The following NAP1L1 variants were observed in gnomAD, a reference collection of about 807,000 sequenced individuals.
The protein encoded by NAP1L1 is nucleosome assembly protein 1-like 1.
In NAP1L1, 9 loss-of-function variants were observed where a neutral mutation model predicts 58.9. That is an observed-to-expected ratio of 0.15 (90% CI 0.09 to 0.27). The LOEUF (loss-of-function observed/expected upper bound fraction) is 0.27. NAP1L1 is among the 10% of genes least tolerant of loss of function. The pLI, the probability that NAP1L1 is intolerant of heterozygous loss-of-function variation, is 1.00. For synonymous variants in NAP1L1, 130 were observed against 138.3 expected, an observed-to-expected ratio of 0.94 and a Z score of 0.42; for missense variants, 302 against 458.8, an observed-to-expected ratio of 0.66 and a Z score of 3.12.
At position 76,044,192 on chromosome 12, in the gene NAP1L1, C is replaced by T. The variant is rs1355830536; in HGVS notation, c.*4237G>A. 1.3e-5 allele frequency: 2 copies of T among 152,402 alleles called. No individual in the cohort carries two copies. Among genetic ancestry groups the T allele is most frequent in the East Asian group, 3.9e-4 (2 of 5,180 alleles). The allele number at this position is 152,402 out of a possible 1,614,324, so 9.4% of individuals were successfully genotyped here. On this transcript the variant is annotated 3_prime_UTR_variant, in exon 15 of 15. Coordinates refer to ENST00000618691, the MANE Select transcript of NAP1L1 (RefSeq NM_004537.7). ...TGGCACACGCCTGTAATCCCGACTA[C>T]TTGGAATGCTGAGGCACGAGAATCG...
intron 4 of NAP1L1, among the ~76,000 whole-genome samples, chr12:76,064,793 TAAA>T (rs531225855): frequency 6.9e-6 from 1 of 145,318 alleles, no homozygotes; most frequent in Non-Finnish European, 1.5e-5. Context: ...TTAGTATGTT[TAAA>T]AAAAAAAAAA....
At chr12:76,060,392 A>C in intron 4 of NAP1L1, 113 bp from the exon 5 acceptor site, 1 of 988,618 alleles carries the variant, frequency 1.0e-6, no homozygotes, top group African/African-American at 1.6e-5. Flanking sequence ...TTTTATCTGA[A>C]GCAAAAGGTA....
At chr12:76,068,463 C>G (rs1565737753) in intron 3 of NAP1L1, 1 of 152,540 alleles carries the variant, frequency 6.6e-6, no homozygotes, top group Non-Finnish European at 1.5e-5. Flanking sequence ...TTAAAAATAT[C>G]TGCTAAAATA....
rs952752790 is a variant in NAP1L1, at chr12:76,039,329, T to C, written c.*9100A>G. The stretch of plus-strand genomic sequence containing the variant: ...GTACCTTGAACCTGGACATGATGTA[T>C]AGAGCCCCAGCAACCACTTGATAAT... On this transcript the variant is annotated 3_prime_UTR_variant, in exon 15 of 15. Coordinates refer to ENST00000618691, the MANE Select transcript of NAP1L1 (RefSeq NM_004537.7). 6.6e-6 allele frequency: 1 copy of C among 152,152 alleles called. No individual in the cohort carries two copies. Among genetic ancestry groups the C allele is most frequent in the Non-Finnish European group, 1.5e-5 (1 of 68,046 alleles). The allele number at this position is 152,152 out of a possible 1,614,324, so 9.4% of individuals were successfully genotyped here.
At position 76,063,891 on chromosome 12, in the gene NAP1L1, A is replaced by T. The variant is rs1451763246; in HGVS notation, c.206+3480T>A. Among the ~76,000 whole-genome samples the T allele has an allele frequency of 1.1e-3, 66 of 62,312 alleles. 1 individual carries two copies. Among genetic ancestry groups the T allele is most frequent in the African/African-American group, 2.5e-3 (65 of 25,546 alleles). 40.9% of individuals were successfully genotyped at this position (62,312 alleles called of 152,430 possible). ...ACTAGGTTAAAAGTTTAAAAAAAAA[A>T]AAAAAAAAAAAGAGGCTGGGGGTGA... On this transcript the variant is annotated intron_variant, in intron 4 of 14. Transcript: ENST00000618691.
At chr12:76,081,727 C>T (rs1222136105) in intron 1 of NAP1L1, among the ~76,000 whole-genome samples, 1 of 152,170 alleles carries the variant, frequency 6.6e-6, no homozygotes, top group Non-Finnish European at 1.5e-5. Flanking sequence ...CTAATGTACT[C>T]TAATGTTCTG....
intron 1 of NAP1L1, among the ~76,000 whole-genome samples, chr12:76,076,508 C>T (rs1285842742): frequency 7.0e-6 from 1 of 142,128 alleles, no homozygotes; most frequent in African/African-American, 2.6e-5. Flanking sequence ...AACACTAAAG[C>T]AAGGTATAGG....
chr12:76,049,713 G>A, intron 13 of NAP1L1, 43 bp downstream of exon 13: 1 of 1,607,310 alleles, frequency 6.2e-7, no homozygotes, highest in East Asian at 2.2e-5. Flanking sequence ...GCTTCTCAAT[G>A]TGTTAACCAC....
intron 2 of NAP1L1, among the ~76,000 whole-genome samples, chr12:76,071,234 G>C (rs1198224050): frequency 6.6e-6 from 1 of 152,120 alleles, no homozygotes; most frequent in East Asian, 1.9e-4. Context: ...GCCTTTTACA[G>C]AGAAAGGTTT....
intron 4 of NAP1L1, among the ~76,000 whole-genome samples, chr12:76,064,516 A>G (rs1949571654): frequency 6.6e-6 from 1 of 151,986 alleles, no homozygotes; most frequent in African/African-American, 2.4e-5. Context: ...AATTTAAAAA[A>G]CTGGAAAGAA....
In NAP1L1 at chr12:76,079,679, A is replaced by T. The variant is rs190580685; in HGVS notation, c.-21+4888T>A. Among the ~76,000 whole-genome samples, 193 of 147,990 alleles carry T rather than the reference A, an allele frequency of 1.3e-3. 2 individuals are homozygous for T. Among genetic ancestry groups the T allele is most frequent in the African/African-American group, 3.8e-3 (150 of 39,252 alleles). ...ATAACTGACCCTAAAAACATGCTTG[A>T]AGGCATTTTTTTTTTTTTTTTGGAG... On this transcript the variant is annotated intron_variant, in intron 1 of 14. Transcript: ENST00000618691.
intron 1 of NAP1L1, among the ~76,000 whole-genome samples, chr12:76,077,935 A>G (rs1950247190): frequency 6.9e-6 from 1 of 143,918 alleles, no homozygotes; most frequent in Non-Finnish European, 1.5e-5. Context: ...GTGAGCCGAG[A>G]TCACACCGCT....
At chr12:76,068,883 G>T in intron 3 of NAP1L1, 26 bp downstream of exon 3, 1 of 1,531,024 alleles carries the variant, frequency 6.5e-7, no homozygotes, top group Non-Finnish European at 9.0e-7. Context: ...GCAATCACTG[G>T]CTCCTGAAGT....
chr12:76,082,702 A>AAC (rs1313208968), intron 1 of NAP1L1, among the ~76,000 whole-genome samples: 2 of 152,194 alleles, frequency 1.3e-5, no homozygotes, highest in East Asian at 3.8e-4. Context: ...ACAAGCTTGA[A>AAC]ACACAAGAGT....
At chr12:76,068,741 C>CAT in intron 3 of NAP1L1, 168 bp downstream of exon 3, 1 of 421,324 alleles carries the variant, frequency 2.4e-6, no homozygotes, top group Non-Finnish European at 4.3e-6. Context: ...CCCTTACACA[C>CAT]ACACACACAC....
rs1948630927 is a variant in NAP1L1, at chr12:76,047,367, A to G, written c.*1062T>C. On this transcript the variant is annotated 3_prime_UTR_variant, in exon 15 of 15. Coordinates refer to ENST00000618691, the MANE Select transcript of NAP1L1 (RefSeq NM_004537.7). ...TCTCTCTAGCTCTAACCCAAAGAAA[A>G]TGAATTTTTTTTTTTTTTTTTAAAA... The G allele has an allele frequency of 1.1e-5, 1 of 88,954 alleles. No homozygotes were observed. Among genetic ancestry groups the G allele is most frequent in the Non-Finnish European group, 2.3e-5 (1 of 44,376 alleles). 5.5% of individuals were successfully genotyped at this position (88,954 alleles called of 1,614,324 possible). A position where few individuals can be genotyped will look rare whatever the true frequency, so the allele number is the denominator to read the frequency against.
chr12:76,050,346 A>T (rs1487316344), intron 12 of NAP1L1, among the ~76,000 whole-genome samples, 185 bp downstream of exon 12: 2 of 152,230 alleles, frequency 1.3e-5, no homozygotes, highest in Non-Finnish European at 2.9e-5. Flanking sequence ...AGCTAAGATA[A>T]ATGAATCCAA....
intron 6 of NAP1L1, chr12:76,057,613 G>A: frequency 1.6e-6 from 2 of 1,224,496 alleles, no homozygotes; most frequent in Non-Finnish European, 2.4e-6. Context: ...GTTAGATGCT[G>A]ATTACCTACT....
rs1200259233 is a variant in NAP1L1, at chr12:76,045,819, T to C, written c.*2610A>G. 6.6e-6 allele frequency: 1 copy of C among 152,060 alleles called. No individual in the cohort carries two copies. Among genetic ancestry groups the C allele is most frequent in the Admixed American group, 6.6e-5 (1 of 15,262 alleles). 9.4% of individuals were successfully genotyped at this position (152,060 alleles called of 1,614,324 possible). ...TTTTCATATCAGTTTTCTTTATAAG[T>C]GATTATATGATATTTCACCATTTCT... On this transcript the variant is annotated 3_prime_UTR_variant, in exon 15 of 15. Transcript: ENST00000618691.
Sources: allele counts gnomAD v4.1 joint callset (sites outside exome capture counted in the v4.1 genomes callset), GRCh38; gene constraint gnomAD v4.1.1; transcripts MANE v1.5; gene names NCBI Gene and HGNC (gene_info 2026-07-23, HGNC 2026-07-21).